Variants in CTNNA2 observed in about 807,000 individuals in gnomAD.
CTNNA2 encodes the protein catenin alpha-2.
CTNNA2 carries 42 observed loss-of-function variants against 101.0 expected under a neutral mutation model. That is an observed-to-expected ratio of 0.42 (90% CI 0.32 to 0.54). The LOEUF (loss-of-function observed/expected upper bound fraction) is 0.54, where lower values mean the gene tolerates loss of function less well. Ranked by LOEUF, CTNNA2 falls within the 20% of genes least tolerant of loss-of-function variation. CTNNA2 has a pLI of 0.14. For missense variants in CTNNA2, 871 were observed against 1,223.1 expected, an observed-to-expected ratio of 0.71 and a Z score of 4.29; for synonymous variants, 450 against 456.4, an observed-to-expected ratio of 0.99 and a Z score of 0.18.
At chr2:79,760,786 C>T (rs1007594489) in intron 3 of CTNNA2, among the ~76,000 whole-genome samples, 2 of 152,270 alleles carry the variant, frequency 1.3e-5, no homozygotes, top group East Asian at 3.9e-4. Context: ...TTCTATGACA[C>T]AATGCAGTGT....
intron 4 of CTNNA2, among the ~76,000 whole-genome samples, chr2:79,381,830 C>G (rs1035794335): frequency 6.6e-6 from 1 of 152,130 alleles, no homozygotes; most frequent in Non-Finnish European, 1.5e-5. Flanking sequence ...CTGGAGTTGT[C>G]TCATTATGAA....
chr2:79,767,208 A>C (rs1360152503), intron 3 of CTNNA2, among the ~76,000 whole-genome samples: 2 of 151,802 alleles, frequency 1.3e-5, no homozygotes, highest in Non-Finnish European at 2.9e-5. Flanking sequence ...TAATTATTTC[A>C]ATCTCCGTTA....
intron 7 of CTNNA2, among the ~76,000 whole-genome samples, chr2:79,943,036 T>G (rs7583109): frequency 0.017 from 2,577 of 152,066 alleles, 115 homozygotes; most frequent in Admixed American, 0.1. Flanking sequence ...GGCCAATGTG[T>G]TGAAACCCCA....
rs777569370 is a variant in CTNNA2, at chr2:80,302,478, C to G, written c.1057-90733C>G. ...CTGGCTGGGAAACACTTCCAGGACA[C>G]GTAGAGCACCAGGACCACGATGAGG... On this transcript the variant is annotated intron_variant, in intron 7 of 18. Transcript: ENST00000402739. This position sits in a 1 kb window ranked among gnomAD's most constrained non-coding sequence, Gnocchi z 6.4. 6.2e-7 allele frequency: 1 copy of G among 1,613,862 alleles called. No individual in the cohort carries two copies. The highest frequency in any genetic ancestry group is 8.5e-7 in the Non-Finnish European group (1 of 1,180,042).
Position 80,025,294 on chromosome 2 carries a change from G to T in CTNNA2, c.1056+115497G>T, listed in dbSNP as rs543011666. 2.0e-5 allele frequency among the ~76,000 whole-genome samples: 3 copies of T among 152,264 alleles called. No homozygotes were observed. The South Asian group carries it at 6.2e-4, about 32-fold the overall frequency. ...GTCCAGGCTTGAGGGTGGAACCCTC[G>T]CCAGGGACCCACCCTCTTCTACCCA... On this transcript the variant is annotated intron_variant, in intron 7 of 18. Coordinates refer to ENST00000402739, the MANE Select transcript of CTNNA2 (RefSeq NM_001282597.3).
At chr2:79,943,213 G>T (rs1688279746) in intron 7 of CTNNA2, among the ~76,000 whole-genome samples, 1 of 152,006 alleles carries the variant, frequency 6.6e-6, no homozygotes, top group South Asian at 2.1e-4. Flanking sequence ...GCGAGCGGGG[G>T]TGGGGCAGGG....
chr2:80,070,393 A>G (rs1281639140), intron 7 of CTNNA2, among the ~76,000 whole-genome samples: 1 of 152,174 alleles, frequency 6.6e-6, no homozygotes, highest in Non-Finnish European at 1.5e-5. Context: ...ATAAAGCAAC[A>G]GAAATTTGTT....
chr2:80,113,376 G>A (rs1187360964), intron 7 of CTNNA2, among the ~76,000 whole-genome samples: 1 of 152,136 alleles, frequency 6.6e-6, no homozygotes, highest in Non-Finnish European at 1.5e-5. Flanking sequence ...GCGTACACAA[G>A]TTATTTTTAT....
At chr2:80,531,249 CG>C (rs912953574) in intron 9 of CTNNA2, among the ~76,000 whole-genome samples, 5 of 152,160 alleles carry the variant, frequency 3.3e-5, no homozygotes, top group African/African-American at 1.2e-4. Context: ...ACTTCTCCTT[CG>C]GGCAGTAACC....
chr2:79,820,821 C>G (rs1210912462), intron 3 of CTNNA2, among the ~76,000 whole-genome samples: 2 of 152,138 alleles, frequency 1.3e-5, no homozygotes, highest in Non-Finnish European at 2.9e-5. Flanking sequence ...CATAGGACCC[C>G]TAATTTCACA....
At chr2:79,867,602 C>T (rs1358056006) in intron 4 of CTNNA2, among the ~76,000 whole-genome samples, 2 of 152,068 alleles carry the variant, frequency 1.3e-5, no homozygotes. Context: ...CGGAAAGACC[C>T]CATTCTTGGT....
At chr2:79,590,374 TATG>T (rs1676766113) in intron 1 of CTNNA2, among the ~76,000 whole-genome samples, 1 of 152,240 alleles carries the variant, frequency 6.6e-6, no homozygotes, top group South Asian at 2.1e-4. Flanking sequence ...TTTTTTCAAA[TATG>T]ATGAAAATCT....
intron 6 of CTNNA2, among the ~76,000 whole-genome samples, chr2:79,876,321 A>T (rs1348779532): frequency 6.6e-6 from 1 of 152,214 alleles, no homozygotes; most frequent in Non-Finnish European, 1.5e-5. Context: ...AAACATTGTA[A>T]TGCTACATTA....
At chr2:79,624,035 TCCCCTTGC>T (rs1310713409) in intron 1 of CTNNA2, among the ~76,000 whole-genome samples, 12 of 151,932 alleles carry the variant, frequency 7.9e-5, no homozygotes, top group African/African-American at 2.7e-4. Context: ...ATGCTCTCTT[TCCCCTTGC>T]CCACTTCTCT....
chr2:79,888,003 C>A (rs1181911460), intron 6 of CTNNA2, among the ~76,000 whole-genome samples: 1 of 152,130 alleles, frequency 6.6e-6, no homozygotes, highest in Non-Finnish European at 1.5e-5. Flanking sequence ...AAACATACTA[C>A]AATTTATATA....
At chr2:79,788,310 G>A (rs1675008801) in intron 3 of CTNNA2, among the ~76,000 whole-genome samples, 1 of 152,124 alleles carries the variant, frequency 6.6e-6, no homozygotes, top group Non-Finnish European at 1.5e-5. Flanking sequence ...TGGAGTGCAG[G>A]CAGATGTTGC....
chr2:79,761,718 C>A (rs1476795316), intron 3 of CTNNA2, among the ~76,000 whole-genome samples: 1 of 152,038 alleles, frequency 6.6e-6, no homozygotes, highest in Non-Finnish European at 1.5e-5. Context: ...AGAATATGAT[C>A]TTTTGGTGTA....
At chr2:80,003,332 G>A (rs761527205) in intron 7 of CTNNA2, among the ~76,000 whole-genome samples, 20 of 152,048 alleles carry the variant, frequency 1.3e-4, no homozygotes, top group Non-Finnish European at 2.1e-4. Flanking sequence ...TTATATTAAT[G>A]CTGAGACTAA....
At chr2:80,073,730 TCACACACACACACACACA>T (rs3067109) in intron 7 of CTNNA2, among the ~76,000 whole-genome samples, 1 of 130,504 alleles carries the variant, frequency 7.7e-6, no homozygotes, top group African/African-American at 2.7e-5. Flanking sequence ...TCTCTCTCTG[TCACACACACACACACACA>T]CACACACACA....
Sources: allele counts gnomAD v4.1 joint callset (sites outside exome capture counted in the v4.1 genomes callset), GRCh38; gene constraint gnomAD v4.1.1; non-coding constraint Gnocchi (gnomAD v3.1); transcripts MANE v1.5; gene names NCBI Gene and HGNC (gene_info 2026-07-23, HGNC 2026-07-21).